GALNTL6: variants seen among roughly 807,000 people sequenced by gnomAD.
The protein encoded by GALNTL6 is polypeptide N-acetylgalactosaminyltransferase-like 6.
In GALNTL6, 46 loss-of-function variants were observed where a neutral mutation model predicts 73.7. The observed-to-expected ratio is 0.62, with a 90% CI of 0.49 to 0.80. The LOEUF is 0.80. GALNTL6 is among the 30% of genes least tolerant of loss of function. GALNTL6 has a pLI of 0.00. For synonymous variants in GALNTL6, 259 were observed against 263.7 expected (o/e 0.98, Z 0.17); for missense variants, 604 against 755.0 (o/e 0.80, Z 2.34).
At chr4:172,437,105 C>A (rs1579070643) in intron 5 of GALNTL6, among the ~76,000 whole-genome samples, 1 of 152,092 alleles carries the variant, frequency 6.6e-6, no homozygotes, top group East Asian at 1.9e-4. Context: ...TCATGTGTGC[C>A]TTTCCAGTCA....
intron 5 of GALNTL6, among the ~76,000 whole-genome samples, chr4:172,449,126 T>C (rs1732125107): frequency 2.0e-5 from 3 of 152,116 alleles, no homozygotes; most frequent in Admixed American, 1.3e-4. Context: ...TTTTTTACAA[T>C]AGTGAAAATA....
rs567360160 is a variant in GALNTL6 at position 172,469,510 on chromosome 4, A to G, written c.553+120821A>G. The stretch of plus-strand genomic sequence containing the variant: ...ACTTCCAAACTATCAAAGCAGTGTC[A>G]GCTACTTTGGAGGTTGAGGCAGGAG... On this transcript the variant is annotated intron_variant, in intron 5 of 12. Coordinates refer to ENST00000506823, the MANE Select transcript of GALNTL6 (RefSeq NM_001034845.3). Among the ~76,000 whole-genome samples, 3 of 152,222 alleles carry G rather than the reference A, an allele frequency of 2.0e-5. No homozygotes were observed. The East Asian group carries it at 5.8e-4, about 29-fold the overall frequency.
At chr4:171,919,813 T>C (rs61301709) in intron 2 of GALNTL6, among the ~76,000 whole-genome samples, 6,034 of 152,268 alleles carry the variant, frequency 0.04, 347 homozygotes, top group African/African-American at 0.12. Context: ...CCTCTGGGAC[T>C]GTAAACTAGT....
At chr4:172,967,210 C>T (rs900240833) in intron 10 of GALNTL6, among the ~76,000 whole-genome samples, 2 of 152,210 alleles carry the variant, frequency 1.3e-5, no homozygotes, top group Admixed American at 1.3e-4. Flanking sequence ...TCAGCCTTCA[C>T]TTACATTTTC....
chr4:172,995,970 C>T (rs927979832), intron 10 of GALNTL6, among the ~76,000 whole-genome samples: 2 of 152,288 alleles, frequency 1.3e-5, no homozygotes, highest in African/African-American at 4.8e-5. Flanking sequence ...CACTTCTTTC[C>T]TTGACTTTAT....
intron 2 of GALNTL6, among the ~76,000 whole-genome samples, chr4:172,012,747 T>C (rs537204435): frequency 1.2e-4 from 4 of 34,520 alleles, no homozygotes; most frequent in South Asian, 0.011. Context: ...ATCATTATTA[T>C]TGTTTTTTGT....
At chr4:172,024,107 T>C (rs1224770507) in intron 2 of GALNTL6, among the ~76,000 whole-genome samples, 1 of 151,830 alleles carries the variant, frequency 6.6e-6, no homozygotes, top group Non-Finnish European at 1.5e-5. Flanking sequence ...GTAGAGTAAA[T>C]GCCAATGTAT....
intron 5 of GALNTL6, among the ~76,000 whole-genome samples, chr4:172,361,574 G>T (rs944072759): frequency 2.6e-5 from 4 of 152,068 alleles, no homozygotes; most frequent in Non-Finnish European, 2.9e-5. Context: ...TCGAACCCAG[G>T]ATAATAAGCT....
intron 5 of GALNTL6, among the ~76,000 whole-genome samples, chr4:172,494,684 A>G (rs905236737): frequency 6.6e-6 from 1 of 152,184 alleles, no homozygotes; most frequent in Admixed American, 6.5e-5. Flanking sequence ...CCACTGGCAT[A>G]AGTCCAAGAG....
chr4:172,528,799 A>G (rs1001698843), intron 5 of GALNTL6, among the ~76,000 whole-genome samples: 9 of 150,436 alleles, frequency 6.0e-5, no homozygotes, highest in Admixed American at 5.3e-4. Flanking sequence ...CTTCATCATA[A>G]GGATTAGTAT....
chr4:172,541,276 ATG>A (rs1735542226), intron 5 of GALNTL6, among the ~76,000 whole-genome samples: 1 of 151,892 alleles, frequency 6.6e-6, no homozygotes, highest in African/African-American at 2.4e-5. Context: ...CACAAATCAT[ATG>A]TTTTGTTAGT....
intron 10 of GALNTL6, among the ~76,000 whole-genome samples, chr4:172,969,879 A>G (rs994147011): frequency 9.2e-5 from 14 of 152,212 alleles, no homozygotes; most frequent in African/African-American, 2.4e-4. Flanking sequence ...CCAGCCCCCA[A>G]TATTTCAATG....
intron 2 of GALNTL6, among the ~76,000 whole-genome samples, chr4:171,913,710 G>A (rs911663208): frequency 2.0e-5 from 3 of 152,122 alleles, no homozygotes; most frequent in African/African-American, 7.2e-5. Flanking sequence ...ATTAGCTGTT[G>A]CTATCGTTGA....
intron 2 of GALNTL6, among the ~76,000 whole-genome samples, chr4:171,910,971 T>A (rs527961226): frequency 6.6e-6 from 1 of 152,304 alleles, no homozygotes; most frequent in East Asian, 1.9e-4. Flanking sequence ...TCTTTAGTTA[T>A]TGATATTCCT....
chr4:172,726,068 G>C (rs978831485), intron 5 of GALNTL6, among the ~76,000 whole-genome samples: 1 of 152,062 alleles, frequency 6.6e-6, no homozygotes, highest in African/African-American at 2.4e-5. Flanking sequence ...TTCAGCGATG[G>C]ATGAATAAAC....
chr4:172,582,909 A>G (rs1033657302), intron 5 of GALNTL6, among the ~76,000 whole-genome samples: 9 of 152,184 alleles, frequency 5.9e-5, no homozygotes, highest in African/African-American at 1.4e-4. Flanking sequence ...TCAAATATCT[A>G]TGTTTGATAG....
chr4:172,806,189 A>C (rs950393773), intron 5 of GALNTL6, among the ~76,000 whole-genome samples: 1 of 152,178 alleles, frequency 6.6e-6, no homozygotes, highest in Admixed American at 6.5e-5. Flanking sequence ...GGACCCCTCA[A>C]AGTGCAGTCA....
intron 5 of GALNTL6, among the ~76,000 whole-genome samples, chr4:172,690,150 A>G (rs532717326): frequency 4.6e-5 from 7 of 152,306 alleles, no homozygotes; most frequent in South Asian, 4.1e-4. Context: ...AATAACAAAA[A>G]CACTCAATTC....
At chr4:172,098,706 T>C (rs1358625799) in intron 2 of GALNTL6, among the ~76,000 whole-genome samples, 2 of 152,194 alleles carry the variant, frequency 1.3e-5, no homozygotes, top group African/African-American at 4.8e-5. Context: ...CAAGTTTGAA[T>C]GTTTCTTGCC....
Sources: allele counts gnomAD v4.1 joint callset (sites outside exome capture counted in the v4.1 genomes callset), GRCh38; gene constraint gnomAD v4.1.1; transcripts MANE v1.5; gene names NCBI Gene and HGNC (gene_info 2026-07-23, HGNC 2026-07-21).